CDH12: variants seen among roughly 807,000 people sequenced by gnomAD.
CDH12 encodes the protein cadherin 12, also known as cadherin-12.
A neutral mutation model predicts 74.1 loss-of-function variants in CDH12; 41 were observed. That is an observed-to-expected ratio of 0.55 (90% CI 0.43 to 0.72). The LOEUF (loss-of-function observed/expected upper bound fraction) is 0.72. CDH12 is among the 30% of genes least tolerant of loss of function. CDH12 has a pLI of 0.00. For synonymous variants in CDH12, 399 were observed against 355.0 expected, an observed-to-expected ratio of 1.12 and a Z score of -1.39; for missense variants, 945 against 977.2, an observed-to-expected ratio of 0.97 and a Z score of 0.44.
chr5:22,096,185 TTTC>T (rs1242994024), intron 4 of CDH12, among the ~76,000 whole-genome samples: 2 of 152,110 alleles, frequency 1.3e-5, no homozygotes, highest in African/African-American at 4.8e-5. Flanking sequence ...AATGCCTTAT[TTTC>T]TTCTTCAATG....
chr5:22,394,797 G>A lies in CDH12; in HGVS notation c.-333+10460C>T, dbSNP rs56656015. ...TAAATGGAGAGAAATTTTGCCTCAA[G>A]ATGAATCATATCCAAAGTCTCATGC... On this transcript the variant is annotated intron_variant, in intron 3 of 14. Transcript: ENST00000382254. 3.0e-3 allele frequency among the ~76,000 whole-genome samples: 450 copies of A among 152,212 alleles called. 2 individuals are homozygous for A. Among genetic ancestry groups the A allele is most frequent in the African/African-American group, 0.01 (428 of 41,550 alleles).
At chr5:22,057,455 G>GA (rs371543300) in intron 5 of CDH12, among the ~76,000 whole-genome samples, 18 of 149,296 alleles carry the variant, frequency 1.2e-4, no homozygotes, top group Admixed American at 5.3e-4. Context: ...CAATTGTGAG[G>GA]AAAAAAAAAA....
chr5:22,636,753 T>C (rs1194694588), intron 1 of CDH12, among the ~76,000 whole-genome samples: 2 of 152,232 alleles, frequency 1.3e-5, no homozygotes, highest in East Asian at 1.9e-4. Flanking sequence ...CTTACGGTTG[T>C]ACAACTGTGT....
chr5:21,834,222 C>T (rs192494614), intron 8 of CDH12, among the ~76,000 whole-genome samples: 13 of 151,408 alleles, frequency 8.6e-5, no homozygotes, highest in East Asian at 3.9e-4. Context: ...TGAGAGGATA[C>T]GCATGCACAT....
At chr5:22,175,344 T>G (rs1341076873) in intron 4 of CDH12, among the ~76,000 whole-genome samples, 2 of 151,728 alleles carry the variant, frequency 1.3e-5, no homozygotes, top group African/African-American at 2.4e-5. Context: ...GAAAAAATTG[T>G]TTAAAGCAAA....
At chr5:22,270,570 AGGC>A (rs1214169830) in intron 3 of CDH12, among the ~76,000 whole-genome samples, 17 of 147,262 alleles carry the variant, frequency 1.2e-4, no homozygotes, top group African/African-American at 4.0e-4. Context: ...ACTTCTGCCT[AGGC>A]GGCAGGGTGA....
In CDH12 at chr5:22,130,858, AC is replaced by A. The variant is rs1264584069; in HGVS notation, c.-186-51997del. 5.3e-5 allele frequency among the ~76,000 whole-genome samples: 8 copies of A among 152,022 alleles called. No individual in the cohort carries two copies. The East Asian group carries it at 1.6e-3, about 30-fold the overall frequency. On this transcript the variant is annotated intron_variant, in intron 4 of 14. Coordinates refer to ENST00000382254, the MANE Select transcript of CDH12 (RefSeq NM_004061.5). ...GCCCTCACCATCTCAATCCCTGATC[AC>A]AGGCAACCACTGATGGAGGTTCTGT...
intron 6 of CDH12, among the ~76,000 whole-genome samples, chr5:21,859,167 C>T (rs774046178): frequency 3.9e-5 from 6 of 151,902 alleles, no homozygotes; most frequent in Non-Finnish European, 5.9e-5. Flanking sequence ...AGTCTGTTCT[C>T]ATACTGCTAT....
chr5:22,778,743 C>A (rs1446150250), intron 1 of CDH12, among the ~76,000 whole-genome samples: 1 of 151,886 alleles, frequency 6.6e-6, no homozygotes, highest in Admixed American at 6.6e-5. Flanking sequence ...TTTATTTTAA[C>A]AAATTTTATA....
rs1491236550 is a variant in CDH12, at chr5:22,138,844, TAA to T, written c.-186-59984_-186-59983del. Reference sequence around the variant, plus strand: ...GAATATATATGTGTACATATATACGTAATATATATATATATATATATATATAT... The same window carrying T: ...GAATATATATGTGTACATATATACGTTATATATATATATATATATATATAT... On this transcript the variant is annotated intron_variant, in intron 4 of 14. Transcript: ENST00000382254. Among the ~76,000 whole-genome samples the T allele has an allele frequency of 1.9e-3, 79 of 42,580 alleles. 2 individuals carry two copies. The highest frequency in any genetic ancestry group is 5.3e-3 in the African/African-American group (59 of 11,088). The allele number at this position is 42,580 out of a possible 152,430, so 27.9% of individuals were successfully genotyped here.
intron 3 of CDH12, among the ~76,000 whole-genome samples, chr5:22,349,344 T>A (rs1013383541): frequency 6.6e-6 from 1 of 152,226 alleles, no homozygotes; most frequent in East Asian, 1.9e-4. Context: ...AATCTCATGA[T>A]AATGATACAA....
At chr5:22,653,036 C>T (rs886340144) in intron 1 of CDH12, among the ~76,000 whole-genome samples, 2 of 152,148 alleles carry the variant, frequency 1.3e-5, no homozygotes, top group Admixed American at 1.3e-4. Flanking sequence ...AGCCCATAAA[C>T]ATCCACCAAA....
At chr5:22,476,751 T>A (rs1746186984) in intron 2 of CDH12, among the ~76,000 whole-genome samples, 1 of 152,206 alleles carries the variant, frequency 6.6e-6, no homozygotes, top group African/African-American at 2.4e-5. Context: ...GTACCAAAAT[T>A]GTATACAGTA....
intron 6 of CDH12, among the ~76,000 whole-genome samples, chr5:21,896,371 A>G (rs1156729106): frequency 1.3e-5 from 2 of 152,314 alleles, no homozygotes; most frequent in African/African-American, 4.8e-5. Context: ...TCAAAATAAC[A>G]ATTTTCTCTG....
intron 5 of CDH12, among the ~76,000 whole-genome samples, chr5:22,033,842 G>T (rs1561041406): frequency 6.6e-6 from 1 of 152,094 alleles, no homozygotes; most frequent in Non-Finnish European, 1.5e-5. Flanking sequence ...CTTCCTCACA[G>T]AGCCCTGTAC....
At chr5:22,465,453 C>T (rs1446069285) in intron 2 of CDH12, among the ~76,000 whole-genome samples, 1 of 152,098 alleles carries the variant, frequency 6.6e-6, no homozygotes, top group Non-Finnish European at 1.5e-5. Flanking sequence ...TAAAACCAGC[C>T]TGGGTAACAT....
chr5:21,790,468 G>T (rs1166824627), intron 10 of CDH12, among the ~76,000 whole-genome samples: 2 of 152,004 alleles, frequency 1.3e-5, no homozygotes, highest in African/African-American at 4.8e-5. Context: ...CCACTGAGAT[G>T]CAATGAAATG....
chr5:21,803,918 A>C (rs1382620008), intron 9 of CDH12, among the ~76,000 whole-genome samples: 1 of 152,168 alleles, frequency 6.6e-6, no homozygotes, highest in East Asian at 1.9e-4. Flanking sequence ...AACACTTTTA[A>C]ATCTTCGAAA....
rs977652071 is a variant in CDH12 at position 22,796,845 on chromosome 5, T to C, written c.-523+56213A>G. ...CAGATTTTTTATCTTAAATACTTTG[T>C]TCTTCTTCATGATTTAATCTCACAT... On this transcript the variant is annotated intron_variant, in intron 1 of 14. Coordinates refer to ENST00000382254, the MANE Select transcript of CDH12 (RefSeq NM_004061.5). Among the ~76,000 whole-genome samples, 11 of 152,222 alleles carry C rather than the reference T, an allele frequency of 7.2e-5. No individual in the cohort carries two copies. In the East Asian group the frequency reaches 2.1e-3, roughly 29 times the overall value.
Sources: gnomAD v4.1 joint callset for allele counts (sites outside exome capture counted in the v4.1 genomes callset) on GRCh38, gnomAD v4.1.1 for gene constraint, MANE v1.5 for transcripts, NCBI Gene and HGNC (gene_info 2026-07-23, HGNC 2026-07-21) for gene names.